The following PRDM10 variants were observed in gnomAD, a reference collection of about 807,000 sequenced individuals.
PRDM10 encodes the protein PR domain zinc finger protein 10.
In PRDM10, 65 loss-of-function variants were observed where a neutral mutation model predicts 133.1. The ratio of observed to expected loss-of-function variants is 0.49; its 90% confidence interval spans 0.40 to 0.60. The LOEUF (loss-of-function observed/expected upper bound fraction) is 0.60, where lower values mean the gene tolerates loss of function less well. PRDM10 is among the 20% of genes least tolerant of loss of function. The probability of loss-of-function intolerance (pLI) is 0.00; values close to 1 mark genes in which losing one functional copy is unlikely to be tolerated. For synonymous variants in PRDM10, 582 were observed against 580.4 expected (o/e 1.00, Z -0.04); for missense variants, 1,137 against 1,507.1 (o/e 0.75, Z 4.07).
chr11:129,923,459 C>T lies in PRDM10; in HGVS notation c.1879-56G>A, dbSNP rs1591601851. The stretch of plus-strand genomic sequence containing the variant: ...GGACGCAGGCACCAAATGAAATGAC[C>T]AAAGGCAGCTTGTCAACGCTAGAGG... On this transcript the variant is annotated intron_variant, in intron 12 of 20. Transcript: ENST00000360871. The surrounding 1 kb of genome is among the most constrained non-coding windows in gnomAD (Gnocchi z 4.4). The T allele has an allele frequency of 6.5e-7, 1 of 1,539,496 alleles. No individual in the cohort carries two copies. Among genetic ancestry groups the T allele is most frequent in the Non-Finnish European group, 8.8e-7 (1 of 1,141,940 alleles).
chr11:129,966,546 A>C (rs1254383887), intron 1 of PRDM10, among the ~76,000 whole-genome samples: 1 of 152,240 alleles, frequency 6.6e-6, no homozygotes, highest in Non-Finnish European at 1.5e-5. Context: ...AGATGACACG[A>C]TAACTTGGTA....
intron 1 of PRDM10, among the ~76,000 whole-genome samples, chr11:129,964,887 T>A (rs955970049): frequency 6.6e-6 from 1 of 152,230 alleles, no homozygotes; most frequent in Non-Finnish European, 1.5e-5. Flanking sequence ...GGTGAAATGA[T>A]GTATGTAACA....
At chr11:129,943,834 A>T (rs1241841623) in intron 6 of PRDM10, among the ~76,000 whole-genome samples, 1 of 151,978 alleles carries the variant, frequency 6.6e-6, no homozygotes, top group Non-Finnish European at 1.5e-5. Context: ...CTCTACTAAA[A>T]ACACAAAAAT....
intron 1 of PRDM10, among the ~76,000 whole-genome samples, chr11:129,987,349 T>C (rs929683471): frequency 6.6e-6 from 1 of 152,210 alleles, no homozygotes; most frequent in Admixed American, 6.5e-5. Flanking sequence ...ATCTTTTCAA[T>C]TTCATTCAAA....
chr11:129,919,518 T>C lies in PRDM10; in HGVS notation c.2035-800A>G, dbSNP rs182614078. Among the ~76,000 whole-genome samples, 57 of 152,326 alleles carry C rather than the reference T, an allele frequency of 3.7e-4. 1 individual carries two copies. In the East Asian group the frequency reaches 9.6e-3, roughly 26 times the overall value. On this transcript the variant is annotated intron_variant, in intron 13 of 20. Transcript: ENST00000360871. ...TAGAAGTTCAAGTAAACAAATCCAT[T>C]GTTCACTATGATGGAGCATGGGGCC...
In PRDM10 at chr11:129,903,768, G is replaced by T. The variant is rs147541743; in HGVS notation, c.3268-1252C>A. ...GTTCACCCCCACCAGACAACGTTCT[G>T]ATTATGATTGGTTTTTCCACGTGGG... On this transcript the variant is annotated intron_variant, in intron 20 of 20. Transcript: ENST00000360871. 3.9e-3 allele frequency among the ~76,000 whole-genome samples: 587 copies of T among 152,220 alleles called. 7 individuals carry two copies. Among genetic ancestry groups the T allele is most frequent in the African/African-American group, 0.013 (543 of 41,544 alleles).
In PRDM10 at chr11:129,909,384, A is replaced by C. The variant is rs547409771; in HGVS notation, c.3163+1092T>G. ...AGAATCACTTGAACCCGGGAGGCGG[A>C]GGTTGCAGTGAGCCGCGATTGTGCC... On this transcript the variant is annotated intron_variant, in intron 19 of 20. Coordinates refer to ENST00000360871, the MANE Select transcript of PRDM10 (RefSeq NM_199437.2). Among the ~76,000 whole-genome samples, 11 of 151,674 alleles carry C rather than the reference A, an allele frequency of 7.3e-5. 1 individual carries two copies. In the East Asian group the frequency reaches 2.2e-3, roughly 30 times the overall value.
chr11:129,936,066 A>C (rs1951019229), intron 8 of PRDM10, among the ~76,000 whole-genome samples: 1 of 152,196 alleles, frequency 6.6e-6, no homozygotes, highest in Admixed American at 6.5e-5. Flanking sequence ...GCTGGCAGTC[A>C]AGCTTGATCA....
intron 4 of PRDM10, among the ~76,000 whole-genome samples, chr11:129,949,189 G>T (rs1176793583): frequency 6.6e-6 from 1 of 152,162 alleles, no homozygotes; most frequent in Admixed American, 6.5e-5. Flanking sequence ...TGCACCTCAG[G>T]GAAATAGACT....
chr11:129,957,725 A>T, intron 3 of PRDM10, 21 bp downstream of exon 3: 1 of 1,588,954 alleles, frequency 6.3e-7, no homozygotes, highest in Non-Finnish European at 8.6e-7. Context: ...ACAAATTATC[A>T]ACAGATAACC....
intron 1 of PRDM10, among the ~76,000 whole-genome samples, chr11:129,972,510 C>G (rs1952054583): frequency 6.6e-6 from 1 of 152,206 alleles, no homozygotes; most frequent in Non-Finnish European, 1.5e-5. Context: ...CTCTAGAACA[C>G]TAGTGTTTTA....
chr11:129,961,610 C>T (rs2135925595), intron 1 of PRDM10, among the ~76,000 whole-genome samples: 1 of 151,844 alleles, frequency 6.6e-6, no homozygotes, highest in South Asian at 2.1e-4. Flanking sequence ...CCGGCCAATC[C>T]CAGCTCTTTG....
At chr11:129,964,346 A>G (rs1309822956) in intron 1 of PRDM10, among the ~76,000 whole-genome samples, 1 of 152,160 alleles carries the variant, frequency 6.6e-6, no homozygotes, top group African/African-American at 2.4e-5. Flanking sequence ...ATAGGTAGTA[A>G]ATGCAGCTGG....
intron 1 of PRDM10, among the ~76,000 whole-genome samples, chr11:129,998,526 T>C (rs1939178889): frequency 6.6e-6 from 1 of 152,244 alleles, no homozygotes; most frequent in African/African-American, 2.4e-5. Flanking sequence ...TTCTAAACTA[T>C]TGTGCACTAT....
chr11:129,919,453 T>C (rs1315063406), intron 13 of PRDM10, among the ~76,000 whole-genome samples: 1 of 152,172 alleles, frequency 6.6e-6, no homozygotes, highest in African/African-American at 2.4e-5. Context: ...TAAGTAAGAA[T>C]CTCTATCTTA....
At chr11:129,910,746 A>C in intron 18 of PRDM10, 90 bp from the exon 19 acceptor site, 374 of 1,150,202 alleles carry the variant, frequency 3.3e-4, no homozygotes, top group Non-Finnish European at 4.0e-4. Context: ...CACCAGACTC[A>C]TATGAATTAT....
rs1950893985 is a variant in PRDM10, at chr11:129,932,244, G to A, written c.1158-13C>T. 5.0e-6 allele frequency: 8 copies of A among 1,613,472 alleles called. No homozygotes were observed. The Admixed American group carries it at 1.3e-4, about 27-fold the overall frequency. Reference sequence around the variant, plus strand: ...TCTGCCTCTTGTTCTGGGGACAAGAGATTGGGTTACAGGTCGTCATGGTTA... The same window carrying A: ...TCTGCCTCTTGTTCTGGGGACAAGAAATTGGGTTACAGGTCGTCATGGTTA... On this transcript the variant is annotated splice_polypyrimidine_tract_variant and intron_variant, in intron 9 of 20. Coordinates refer to ENST00000360871, the MANE Select transcript of PRDM10 (RefSeq NM_199437.2).
intron 1 of PRDM10, among the ~76,000 whole-genome samples, chr11:129,972,178 G>A (rs1952046125): frequency 6.6e-6 from 1 of 152,156 alleles, no homozygotes; most frequent in South Asian, 2.1e-4. Flanking sequence ...GCCGCGCGCA[G>A]CCCCGGTTAC....
At chr11:129,903,388 G>A (rs115577391) in intron 20 of PRDM10, among the ~76,000 whole-genome samples, 2,799 of 150,098 alleles carry the variant, frequency 0.019, 78 homozygotes, top group African/African-American at 0.065. Flanking sequence ...TTAAAAAAAC[G>A]CGACCATCAA....
Sources: allele counts gnomAD v4.1 joint callset (sites outside exome capture counted in the v4.1 genomes callset), GRCh38; gene constraint gnomAD v4.1.1; non-coding constraint Gnocchi (gnomAD v3.1); transcripts MANE v1.5; gene names NCBI Gene and HGNC (gene_info 2026-07-23, HGNC 2026-07-21).